Variants in CYP7B1 observed in about 807,000 individuals in gnomAD.
The protein encoded by CYP7B1 is cytochrome P450 7B1.
In CYP7B1, 29 loss-of-function variants were observed where a neutral mutation model predicts 42.7. That is an observed-to-expected ratio of 0.68 (90% CI 0.51 to 0.93). The LOEUF (loss-of-function observed/expected upper bound fraction) is 0.93, where lower values mean the gene tolerates loss of function less well. CYP7B1 is among the 40% of genes least tolerant of loss of function. The pLI is 0.00. For missense variants in CYP7B1, 655 were observed against 600.5 expected (o/e 1.09, Z -0.95); for synonymous variants, 235 against 218.2 (o/e 1.08, Z -0.68).
At chr8:64,764,947 C>T (rs997513602) in intron 1 of CYP7B1, among the ~76,000 whole-genome samples, 1 of 147,876 alleles carries the variant, frequency 6.8e-6, no homozygotes, top group African/African-American at 2.5e-5. Context: ...CTAGACAGGA[C>T]GATAGATGGT....
intron 1 of CYP7B1, among the ~76,000 whole-genome samples, chr8:64,664,358 G>A (rs1421059857): frequency 6.6e-6 from 1 of 152,116 alleles, no homozygotes; most frequent in African/African-American, 2.4e-5. Context: ...AATAATAATA[G>A]CTATTATTTA....
At chr8:64,666,549 TC>T (rs34652711) in intron 1 of CYP7B1, among the ~76,000 whole-genome samples, 75,591 of 151,942 alleles carry the variant, frequency 0.5, 20,172 homozygotes, top group Non-Finnish European at 0.58. Flanking sequence ...AGGAAGAGTG[TC>T]CAGGTGGGGT....
At chr8:64,798,240 G>A (rs532111225) in intron 1 of CYP7B1, among the ~76,000 whole-genome samples, 48 of 152,242 alleles carry the variant, frequency 3.2e-4, no homozygotes, top group Non-Finnish European at 6.2e-4. Flanking sequence ...TTACGCTGGA[G>A]CAGCAAATGG....
At chr8:64,726,955 A>G (rs1807333860) in intron 1 of CYP7B1, among the ~76,000 whole-genome samples, 1 of 152,140 alleles carries the variant, frequency 6.6e-6, no homozygotes, top group African/African-American at 2.4e-5. Context: ...CTGAGGGCCT[A>G]TGATCCTTTG....
At chr8:64,739,018 G>A (rs770102543) in intron 1 of CYP7B1, among the ~76,000 whole-genome samples, 7 of 152,164 alleles carry the variant, frequency 4.6e-5, no homozygotes, top group Non-Finnish European at 8.8e-5. Context: ...ATTCCCTTCT[G>A]TCTCTGGCAG....
At position 64,612,551 on chromosome 8, in the gene CYP7B1, C is replaced by T. The variant is rs377027083; in HGVS notation, c.1057+2475G>A. Among the ~76,000 whole-genome samples the T allele has an allele frequency of 2.2e-4, 33 of 152,206 alleles. No individual in the cohort carries two copies. The South Asian group carries it at 6.8e-3, about 32-fold the overall frequency. ...CATAACCTCTTACAGCAGATGATTG[C>T]TTTAAATTACTTAAACAGACTTTGG... On this transcript the variant is annotated intron_variant, in intron 4 of 5. Coordinates refer to ENST00000310193, the MANE Select transcript of CYP7B1 (RefSeq NM_004820.5).
In CYP7B1 at chr8:64,616,284, AG is replaced by A. The variant is rs1554524936; in HGVS notation, c.260-4del. 2 of 1,532,880 alleles carry A rather than the reference AG, an allele frequency of 1.3e-6. No homozygotes were observed. Among genetic ancestry groups the A allele is most frequent in the Non-Finnish European group, 8.9e-7 (1 of 1,120,124 alleles). 95.0% of individuals were successfully genotyped at this position (1,532,880 alleles called of 1,614,324 possible). On this transcript the variant is annotated splice_region_variant and splice_polypyrimidine_tract_variant and intron_variant, in intron 2 of 5. Coordinates refer to ENST00000310193, the MANE Select transcript of CYP7B1 (RefSeq NM_004820.5). ...CAGGATAAATGTTATGTACTTTCCT[AG>A]AAAAAAAAAAAGAGAGAGAAAATAT...
intron 1 of CYP7B1, among the ~76,000 whole-genome samples, chr8:64,657,408 A>G (rs1441808240): frequency 4.6e-5 from 7 of 152,144 alleles, no homozygotes; most frequent in Non-Finnish European, 8.8e-5. Flanking sequence ...CATCCCCAGG[A>G]GGTGTTCGGG....
At chr8:64,718,300 C>T (rs1807188055) in intron 1 of CYP7B1, among the ~76,000 whole-genome samples, 1 of 152,056 alleles carries the variant, frequency 6.6e-6, no homozygotes, top group Non-Finnish European at 1.5e-5. Context: ...TATTTGGAGC[C>T]ATAACAAGCC....
intron 1 of CYP7B1, among the ~76,000 whole-genome samples, chr8:64,783,751 G>T (rs1339251473): frequency 6.6e-6 from 1 of 152,102 alleles, no homozygotes; most frequent in African/African-American, 2.4e-5. Context: ...GAGAAATGGG[G>T]ACTTGACAAT....
At chr8:64,643,810 A>C (rs73237787) in intron 1 of CYP7B1, among the ~76,000 whole-genome samples, 4,708 of 151,914 alleles carry the variant, frequency 0.031, 260 homozygotes, top group African/African-American at 0.11. Context: ...CCAAGAAACC[A>C]CTCTTTCTGT....
chr8:64,598,653 T>C (rs976408097), intron 5 of CYP7B1, among the ~76,000 whole-genome samples: 34 of 152,200 alleles, frequency 2.2e-4, no homozygotes, highest in African/African-American at 8.2e-4. Flanking sequence ...TGAAAATGAA[T>C]GTGCTAACCT....
intron 1 of CYP7B1, among the ~76,000 whole-genome samples, chr8:64,793,349 A>G (rs1262053745): frequency 6.6e-6 from 1 of 152,110 alleles, no homozygotes; most frequent in African/African-American, 2.4e-5. Flanking sequence ...AACATCTTAT[A>G]TTTATTTTAA....
intron 1 of CYP7B1, among the ~76,000 whole-genome samples, chr8:64,688,010 T>C (rs916205852): frequency 6.6e-6 from 1 of 152,254 alleles, no homozygotes; most frequent in Non-Finnish European, 1.5e-5. Context: ...GTTCTCTTAT[T>C]CTATAGCATA....
At chr8:64,729,683 A>G (rs968840377) in intron 1 of CYP7B1, among the ~76,000 whole-genome samples, 2 of 152,226 alleles carry the variant, frequency 1.3e-5, no homozygotes, top group Non-Finnish European at 2.9e-5. Context: ...ATTTCTCGTC[A>G]TGAAACTTAC....
intron 1 of CYP7B1, among the ~76,000 whole-genome samples, chr8:64,791,351 G>T (rs1804614464): frequency 1.3e-5 from 2 of 152,152 alleles, no homozygotes; most frequent in Non-Finnish European, 2.9e-5. Context: ...TGAATTTGGT[G>T]CTATACATGT....
chr8:64,642,932 G>A (rs1805878958), intron 1 of CYP7B1, among the ~76,000 whole-genome samples: 1 of 151,560 alleles, frequency 6.6e-6, no homozygotes, highest in East Asian at 1.9e-4. Context: ...GTCTGTTTAT[G>A]CTAATACACA....
chr8:64,642,535 G>A (rs1214471841), intron 1 of CYP7B1, among the ~76,000 whole-genome samples: 1 of 152,088 alleles, frequency 6.6e-6, no homozygotes, highest in Non-Finnish European at 1.5e-5. Flanking sequence ...AACATTTTAG[G>A]ATTCGTCACA....
intron 5 of CYP7B1, 72 bp from the exon 6 acceptor site, chr8:64,597,001 A>G: frequency 7.4e-7 from 1 of 1,358,946 alleles, no homozygotes; most frequent in East Asian, 2.4e-5. Flanking sequence ...CAAAGTTGCT[A>G]GCTCTCTCTG....
Sources: gnomAD v4.1 joint callset for allele counts (sites outside exome capture counted in the v4.1 genomes callset) on GRCh38, gnomAD v4.1.1 for gene constraint, MANE v1.5 for transcripts, NCBI Gene and HGNC (gene_info 2026-07-23, HGNC 2026-07-21) for gene names.